Variants in TDRD9 observed in about 807,000 individuals in gnomAD.
The protein encoded by TDRD9 is tudor domain containing 9.
Under a neutral mutation model 172.6 loss-of-function variants are expected in TDRD9, and 124 were observed. That is an observed-to-expected ratio of 0.72 (90% CI 0.62 to 0.83). The LOEUF (loss-of-function observed/expected upper bound fraction) is 0.83. Among genes scored for constraint, TDRD9 ranks in the 40% least tolerant of loss-of-function variants. The pLI, the probability that TDRD9 is intolerant of heterozygous loss-of-function variation, is 0.00. For missense variants in TDRD9, 1,479 were observed against 1,714.1 expected (o/e 0.86, Z 2.42); for synonymous variants, 619 against 617.1 (o/e 1.00, Z -0.05).
chr14:104,020,642 G>A (rs951408677), intron 23 of TDRD9, among the ~76,000 whole-genome samples: 1 of 152,132 alleles, frequency 6.6e-6, no homozygotes, highest in African/African-American at 2.4e-5. Context: ...GAGGCGGAGC[G>A]GGTCAGGGTT....
intron 34 of TDRD9, among the ~76,000 whole-genome samples, chr14:104,048,060 T>C (rs146725234): frequency 6.6e-6 from 1 of 150,686 alleles, no homozygotes; most frequent in African/African-American, 2.5e-5. Flanking sequence ...TCTCCTAATT[T>C]TTTTGTTGGA....
intron 1 of TDRD9, among the ~76,000 whole-genome samples, chr14:103,954,672 A>G (rs1214308361): frequency 6.6e-6 from 1 of 152,226 alleles, no homozygotes; most frequent in Admixed American, 6.5e-5. Context: ...TCTGTTGCCC[A>G]GGCTGGAGTG....
At chr14:103,966,625 C>T in intron 4 of TDRD9, 84 bp from the exon 5 acceptor site, 5 of 1,272,754 alleles carry the variant, frequency 3.9e-6, no homozygotes, top group South Asian at 1.9e-5. Flanking sequence ...TTTTCATTCC[C>T]TTTCTTACCC....
At chr14:103,939,410 C>CG (rs1442366834) in intron 1 of TDRD9, among the ~76,000 whole-genome samples, 1 of 152,108 alleles carries the variant, frequency 6.6e-6, no homozygotes, top group Non-Finnish European at 1.5e-5. Context: ...GTGTACTTTT[C>CG]GGGGCATTTA....
At chr14:104,025,951 A>G in intron 26 of TDRD9, 96 bp from the exon 27 acceptor site, 1 of 1,007,144 alleles carries the variant, frequency 9.9e-7, no homozygotes. Context: ...AGAATTCTAT[A>G]ATTATAGGAT....
intron 1 of TDRD9, among the ~76,000 whole-genome samples, chr14:103,933,642 A>G (rs1218080417): frequency 6.6e-6 from 1 of 152,196 alleles, no homozygotes; most frequent in South Asian, 2.1e-4. Context: ...TCCTGAGCTC[A>G]AGCAATCTGC....
At chr14:104,016,136 A>G (rs1213842591) in intron 22 of TDRD9, 48 bp downstream of exon 22, 1 of 1,296,048 alleles carries the variant, frequency 7.7e-7, no homozygotes, top group Non-Finnish European at 1.1e-6. Context: ...GTGGGGCAGA[A>G]CATTTTTGTT....
intron 8 of TDRD9, 143 bp downstream of exon 8, chr14:103,986,463 G>A: frequency 1.6e-6 from 1 of 628,534 alleles, no homozygotes; most frequent in Non-Finnish European, 2.6e-6. Flanking sequence ...TTAAAATCAG[G>A]TTAGTATTTT....
chr14:103,974,200 T>C (rs1231441857), intron 6 of TDRD9, among the ~76,000 whole-genome samples: 1 of 152,138 alleles, frequency 6.6e-6, no homozygotes. Context: ...AGAACTTGTC[T>C]CAAAAATAAA....
At chr14:104,010,516 C>T (rs2034580123) in intron 20 of TDRD9, among the ~76,000 whole-genome samples, 2 of 151,506 alleles carry the variant, frequency 1.3e-5, no homozygotes, top group Admixed American at 6.6e-5. Flanking sequence ...CTCCTGGATA[C>T]CTCCTGAAGG....
rs112522613 is a variant in TDRD9, at chr14:104,043,748, A to G, written c.3974+1561A>G. Among the ~76,000 whole-genome samples, 275 of 152,318 alleles carry G rather than the reference A, an allele frequency of 1.8e-3. 2 individuals are homozygous for G. Among genetic ancestry groups the G allele is most frequent in the African/African-American group, 6.1e-3 (253 of 41,556 alleles). ...TTGGTTTGTTTGTTTTAACAATTCA[A>G]TAACTCTAGTGAATTTATAGTTGTG... On this transcript the variant is annotated intron_variant, in intron 34 of 35. Transcript: ENST00000409874.
intron 1 of TDRD9, chr14:103,940,756 A>G (rs1180605154): frequency 8.1e-7 from 1 of 1,240,582 alleles, no homozygotes; most frequent in Non-Finnish European, 1.1e-6. Context: ...CTTATTCTTA[A>G]TATTAGGAGT....
intron 2 of TDRD9, among the ~76,000 whole-genome samples, chr14:103,957,631 T>C (rs148471657): frequency 2.0e-5 from 3 of 152,272 alleles, no homozygotes; most frequent in Non-Finnish European, 4.4e-5. Context: ...CTGTGCAGCT[T>C]TGGAGGTAGG....
At chr14:104,014,874 T>A in intron 21 of TDRD9, 33 bp downstream of exon 21, 1 of 1,176,004 alleles carries the variant, frequency 8.5e-7, no homozygotes, top group Non-Finnish European at 1.2e-6. Context: ...TTTTTTTTCC[T>A]GATTCTTTCT....
At position 103,985,795 on chromosome 14, in the gene TDRD9, T is replaced by A. The variant is rs903786532; in HGVS notation, c.1012-422T>A. ...GATATACAAGGTTACTTTTCACACG[T>A]GAAATCTTAGGGAAGTCTTAGGGCT... On this transcript the variant is annotated intron_variant, in intron 7 of 35. Coordinates refer to ENST00000409874, the MANE Select transcript of TDRD9 (RefSeq NM_153046.3). 2.2e-4 allele frequency among the ~76,000 whole-genome samples: 34 copies of A among 152,284 alleles called. 4 individuals are homozygous for A. The highest frequency in any genetic ancestry group is 1.8e-3 in the Admixed American group (28 of 15,294).
intron 7 of TDRD9, among the ~76,000 whole-genome samples, chr14:103,976,571 T>A (rs986711901): frequency 3.3e-5 from 5 of 152,104 alleles, no homozygotes; most frequent in Non-Finnish European, 7.4e-5. Context: ...TATCCATTCA[T>A]CTCTTAATGT....
At chr14:103,943,131 T>C (rs2031340319) in intron 1 of TDRD9, among the ~76,000 whole-genome samples, 1 of 151,746 alleles carries the variant, frequency 6.6e-6, no homozygotes, top group South Asian at 2.1e-4. Flanking sequence ...ATTTCTTTTT[T>C]CTTTCTTTCT....
rs2035890687 is a variant in TDRD9, at chr14:104,049,828, G to A, written c.4047+148G>A. 6.3e-6 allele frequency: 4 copies of A among 636,692 alleles called. No individual in the cohort carries two copies. In the East Asian group the frequency reaches 8.4e-5, roughly 13 times the overall value. 39.4% of individuals were successfully genotyped at this position (636,692 alleles called of 1,614,324 possible). Reference sequence around the variant, plus strand: ...AGTGGATGGCTTTGGGGGCCAGCTGGCAAATGTCTCAGACCAGACAGGCTG... The same window carrying A: ...AGTGGATGGCTTTGGGGGCCAGCTGACAAATGTCTCAGACCAGACAGGCTG... On this transcript the variant is annotated intron_variant, in intron 35 of 35. Coordinates refer to ENST00000409874, the MANE Select transcript of TDRD9 (RefSeq NM_153046.3).
intron 8 of TDRD9, among the ~76,000 whole-genome samples, chr14:103,990,801 C>G (rs1229238304): frequency 6.6e-6 from 1 of 152,160 alleles, no homozygotes; most frequent in African/African-American, 2.4e-5. Context: ...CTGTACAAAT[C>G]CTTTCTAATA....
Sources: allele counts gnomAD v4.1 joint callset (sites outside exome capture counted in the v4.1 genomes callset), GRCh38; gene constraint gnomAD v4.1.1; transcripts MANE v1.5; gene names NCBI Gene and HGNC (gene_info 2026-07-23, HGNC 2026-07-21).